The following SDK1 variants were observed in gnomAD, a reference collection of about 807,000 sequenced individuals.
SDK1 encodes protein sidekick-1.
SDK1 carries 157 observed loss-of-function variants against 245.5 expected under a neutral mutation model. The observed-to-expected ratio is 0.64, with a 90% CI of 0.56 to 0.73. SDK1 has a LOEUF of 0.73. SDK1 is among the 30% of genes least tolerant of loss of function. The pLI is 0.00. For synonymous variants in SDK1, 1,647 were observed against 1,278.5 expected, an observed-to-expected ratio of 1.29 and a Z score of -6.15; for missense variants, 3,583 against 3,002.3, an observed-to-expected ratio of 1.19 and a Z score of -4.52.
At chr7:4,138,181 G>C (rs949975013) in intron 28 of SDK1, among the ~76,000 whole-genome samples, 2 of 152,150 alleles carry the variant, frequency 1.3e-5, no homozygotes, top group Non-Finnish European at 2.9e-5. Context: ...GGATGCCGTC[G>C]TGCTTTGCAA....
At chr7:3,450,515 GGAT>G (rs1312338456) in intron 1 of SDK1, among the ~76,000 whole-genome samples, 1 of 152,152 alleles carries the variant, frequency 6.6e-6, no homozygotes, top group Non-Finnish European at 1.5e-5. Flanking sequence ...AAGGGGTCTA[GGAT>G]GATACGTAGA....
At chr7:3,579,132 C>T (rs943515463) in intron 1 of SDK1, among the ~76,000 whole-genome samples, 1 of 152,012 alleles carries the variant, frequency 6.6e-6, no homozygotes, top group African/African-American at 2.4e-5. Context: ...CTATCTTCTA[C>T]TGAAACTATT....
intron 1 of SDK1, among the ~76,000 whole-genome samples, chr7:3,425,670 T>A (rs1227551927): frequency 6.6e-6 from 1 of 152,194 alleles, no homozygotes; most frequent in Non-Finnish European, 1.5e-5. Context: ...GAAATGTATT[T>A]GTTTAATTTT....
At chr7:3,403,898 T>C (rs1778980828) in intron 1 of SDK1, among the ~76,000 whole-genome samples, 1 of 139,166 alleles carries the variant, frequency 7.2e-6, no homozygotes, top group Admixed American at 7.4e-5. Flanking sequence ...ATTATATATA[T>C]ATTTATTTAT....
intron 4 of SDK1, among the ~76,000 whole-genome samples, chr7:3,677,277 ATTC>A (rs1224059839): frequency 2.0e-5 from 3 of 152,040 alleles, no homozygotes; most frequent in Admixed American, 6.6e-5. Flanking sequence ...TTGGCCCTGG[ATTC>A]TTCTTTTTTA....
intron 44 of SDK1, among the ~76,000 whole-genome samples, chr7:4,255,974 C>A (rs888429755): frequency 7.4e-6 from 1 of 134,934 alleles, no homozygotes; most frequent in Non-Finnish European, 1.5e-5. Context: ...GGCTGGAGTG[C>A]AGTGGTGCGA....
At chr7:3,947,488 C>T (rs575278734) in intron 5 of SDK1, among the ~76,000 whole-genome samples, 14 of 149,522 alleles carry the variant, frequency 9.4e-5, no homozygotes, top group East Asian at 3.9e-4. Context: ...TTTTTTTCAC[C>T]GGGATTTCTA....
chr7:3,339,267 C>T (rs1031858688), intron 1 of SDK1, among the ~76,000 whole-genome samples: 1 of 152,018 alleles, frequency 6.6e-6, no homozygotes, highest in South Asian at 2.1e-4. Context: ...CAAACAGAAC[C>T]TCAAGATACA....
intron 1 of SDK1, among the ~76,000 whole-genome samples, chr7:3,582,109 C>T (rs947253117): frequency 7.5e-4 from 104 of 139,172 alleles, no homozygotes; most frequent in African/African-American, 2.4e-3. Context: ...GGTAGGTCTC[C>T]CTCAGGTAGG....
At chr7:4,184,446 C>G (rs1232052320) in intron 35 of SDK1, among the ~76,000 whole-genome samples, 1 of 143,404 alleles carries the variant, frequency 7.0e-6, no homozygotes, top group East Asian at 2.0e-4. Flanking sequence ...AGGCACCAGT[C>G]CTGCTCATAA....
chr7:3,651,226 T>G (rs1399534940), intron 4 of SDK1, among the ~76,000 whole-genome samples: 1 of 152,086 alleles, frequency 6.6e-6, no homozygotes, highest in Non-Finnish European at 1.5e-5. Context: ...GTTTCCCTGC[T>G]TCCTCACTAG....
At chr7:4,117,855 C>T (rs909588826) in intron 25 of SDK1, among the ~76,000 whole-genome samples, 7 of 152,126 alleles carry the variant, frequency 4.6e-5, no homozygotes, top group Admixed American at 4.6e-4. Flanking sequence ...CTCTTGAAGG[C>T]CTTTCCCTCC....
chr7:3,392,028 G>A (rs1040508200), intron 1 of SDK1, among the ~76,000 whole-genome samples: 4 of 150,530 alleles, frequency 2.7e-5, no homozygotes, highest in Admixed American at 2.6e-4. Context: ...GACCATACAA[G>A]GCTTTTATGG....
chr7:3,698,727 G>A (rs953513398), intron 4 of SDK1, among the ~76,000 whole-genome samples: 4 of 152,132 alleles, frequency 2.6e-5, no homozygotes, highest in East Asian at 1.9e-4. Flanking sequence ...CCACCTTCTC[G>A]CTGTGTCCTC....
rs749991713 is a variant in SDK1, at chr7:4,065,694, G to GTTTT, written c.2912-2112_2912-2109dup. On this transcript the variant is annotated intron_variant, in intron 19 of 44. Coordinates refer to ENST00000404826, the MANE Select transcript of SDK1 (RefSeq NM_152744.4). The stretch of plus-strand genomic sequence containing the variant: ...AGTTTCACCCAGATGAGTGGTTGTT[G>GTTTT]TTTTTTTTTTTTTTTTTTTTTTTTT... Among the ~76,000 whole-genome samples the GTTTT allele has an allele frequency of 8.6e-3, 572 of 66,532 alleles. 35 individuals are homozygous for GTTTT. Among genetic ancestry groups the GTTTT allele is most frequent in the Non-Finnish European group, 0.014 (384 of 27,092 alleles). The allele number at this position is 66,532 out of a possible 152,430, so 43.6% of individuals were successfully genotyped here.
At chr7:3,603,644 T>C (rs960655994) in intron 1 of SDK1, among the ~76,000 whole-genome samples, 22 of 152,182 alleles carry the variant, frequency 1.4e-4, no homozygotes, top group African/African-American at 5.1e-4. Context: ...ACAATTTGAC[T>C]TCCTTTTTTC....
intron 1 of SDK1, among the ~76,000 whole-genome samples, chr7:3,546,268 C>T (rs1779221653): frequency 2.0e-5 from 3 of 151,840 alleles, no homozygotes; most frequent in African/African-American, 7.3e-5. Context: ...GGAAAGGGCA[C>T]TGGAAACAGA....
intron 4 of SDK1, among the ~76,000 whole-genome samples, chr7:3,666,108 C>A (rs191543391): frequency 2.0e-5 from 3 of 152,172 alleles, no homozygotes; most frequent in African/African-American, 7.2e-5. Context: ...CCTTTATTCA[C>A]CTCCTAATCC....
chr7:3,716,691 C>T (rs1785210113), intron 4 of SDK1, among the ~76,000 whole-genome samples: 1 of 149,618 alleles, frequency 6.7e-6, no homozygotes, highest in Non-Finnish European at 1.5e-5. Flanking sequence ...CCCAGGAGGT[C>T]AGTGCTGCAG....
Sources: gnomAD v4.1 joint callset for allele counts (sites outside exome capture counted in the v4.1 genomes callset) on GRCh38, gnomAD v4.1.1 for gene constraint, MANE v1.5 for transcripts, NCBI Gene and HGNC (gene_info 2026-07-23, HGNC 2026-07-21) for gene names.